The following PRPS2 variants were observed in gnomAD, a reference collection of about 807,000 sequenced individuals.
The protein encoded by PRPS2 is ribose-phosphate pyrophosphokinase 2.
For missense variants in PRPS2, 104 were observed against 271.5 expected, an observed-to-expected ratio of 0.38 and a Z score of 4.34; for synonymous variants, 111 against 115.3, an observed-to-expected ratio of 0.96 and a Z score of 0.24.
chrX:12,808,432 G>T (rs1466690658), intron 2 of PRPS2, among the ~76,000 whole-genome samples: 3 of 110,976 alleles, frequency 2.7e-5, no homozygotes, highest in Admixed American at 9.6e-5. Flanking sequence ...ACGCCACCTA[G>T]GTCTAATCAT....
chrX:12,820,397 C>G lies in PRPS2; in HGVS notation c.705-247C>G, dbSNP rs149486336. Among the ~76,000 whole-genome samples, 64 of 111,010 alleles carry G rather than the reference C, an allele frequency of 5.8e-4. No homozygotes were observed. In the East Asian group the frequency reaches 0.018, roughly 31 times the overall value. ...GATGCTGTTGAATTTTCCCATAATG[C>G]GTAGGACAGCCCCCGTGACAAAGAA... On this transcript the variant is annotated intron_variant, in intron 5 of 6. Transcript: ENST00000380668.
chrX:12,798,214 T>C (rs2042553332), intron 1 of PRPS2, among the ~76,000 whole-genome samples: 1 of 112,630 alleles, frequency 8.9e-6, no homozygotes, highest in African/African-American at 3.2e-5. Flanking sequence ...AGAAAAGATG[T>C]GCATAAAAAG....
chrX:12,812,959 A>G (rs1275294680), intron 4 of PRPS2, among the ~76,000 whole-genome samples: 2 of 111,608 alleles, frequency 1.8e-5, no homozygotes, highest in Admixed American at 9.5e-5. Context: ...TTTGGCAGCT[A>G]CTCAGCCCAA....
chrX:12,810,687 T>A (rs1362585375), intron 4 of PRPS2, among the ~76,000 whole-genome samples: 1 of 109,677 alleles, frequency 9.1e-6, no homozygotes, highest in Non-Finnish European at 1.9e-5. Flanking sequence ...GAAACCCCCA[T>A]AAAGAAGGGA....
rs540857235 is a variant in PRPS2, at chrX:12,810,850, T to TA, written c.530+718dup. ...GGGTAACAGAGTGAGACCCTGACTC[T>TA]AAAAAAAAAAAAAAGAAGAAGAAGA... On this transcript the variant is annotated intron_variant, in intron 4 of 6. Coordinates refer to ENST00000380668, the MANE Select transcript of PRPS2 (RefSeq NM_002765.5). Among the ~76,000 whole-genome samples the TA allele has an allele frequency of 1.7e-3, 149 of 89,548 alleles. No homozygotes were observed. In the South Asian group the frequency reaches 0.027, roughly 16 times the overall value. The allele number at this position is 89,548 out of a possible 115,157, so 77.8% of individuals were successfully genotyped here.
intron 6 of PRPS2, among the ~76,000 whole-genome samples, chrX:12,822,110 C>T (rs2042679225): frequency 8.9e-6 from 1 of 112,300 alleles, no homozygotes; most frequent in African/African-American, 3.2e-5. Flanking sequence ...AGTTGGCACA[C>T]TATGGCTCGC....
chrX:12,802,565 C>G (rs1031819445), intron 2 of PRPS2, among the ~76,000 whole-genome samples: 5 of 111,557 alleles, frequency 4.5e-5, no homozygotes, highest in Non-Finnish European at 9.4e-5. Context: ...TCTCGAACTC[C>G]TGGCCTCAAG....
chrX:12,813,359 A>T (rs1047007661), intron 4 of PRPS2, among the ~76,000 whole-genome samples: 4 of 111,434 alleles, frequency 3.6e-5, no homozygotes, highest in African/African-American at 1.3e-4. Context: ...CGTTGTTTGC[A>T]CTCTTAAATG....
At chrX:12,809,970 GA>G (rs2042615195) in intron 3 of PRPS2, 51 bp from the exon 4 acceptor site, 7 of 869,566 alleles carry the variant, frequency 8.0e-6, no homozygotes, top group African/African-American at 3.8e-5. Context: ...AAAAACAAAA[GA>G]AAACAAAACA....
intron 1 of PRPS2, among the ~76,000 whole-genome samples, chrX:12,796,852 A>AC (rs2042546454): frequency 2.9e-5 from 1 of 34,241 alleles, no homozygotes; most frequent in Admixed American, 4.6e-4. Flanking sequence ...AGTATTTCAG[A>AC]TTTTTTTTTT....
At chrX:12,800,484 A>G (rs187334962) in intron 2 of PRPS2, among the ~76,000 whole-genome samples, 43 of 111,580 alleles carry the variant, frequency 3.9e-4, no homozygotes, top group African/African-American at 1.3e-3. Context: ...GTGGGTGGAC[A>G]TGAGTTTTGG....
At chrX:12,803,215 T>C (rs1313302602) in intron 2 of PRPS2, among the ~76,000 whole-genome samples, 4 of 112,177 alleles carry the variant, frequency 3.6e-5, no homozygotes, top group Non-Finnish European at 7.5e-5. Context: ...TGAGGCCACA[T>C]CACTCTAATC....
rs1040889575 is a variant in PRPS2 at position 12,791,524 on chromosome X, C to T, written c.27C>T (p.Gly9=). 70 of 1,204,751 alleles carry T rather than the reference C, an allele frequency of 5.8e-5. No homozygotes were observed. The highest frequency in any genetic ancestry group is 7.5e-5 in the Non-Finnish European group (67 of 892,661). ...TGCCCAACATCGTGCTGTTCAGCGG[C>T]AGCTCGCATCAGGACCTGTCCCAGC... The part of the protein sequence containing the change: MPNIVLFS[G]SSHQDLSQRV... The change falls in exon 1 of 7, where the codon GGC becomes GGT. Residue 9 remains glycine (G), a synonymous_variant. Coordinates refer to ENST00000380668, the MANE Select transcript of PRPS2 (RefSeq NM_002765.5).
intron 5 of PRPS2, among the ~76,000 whole-genome samples, chrX:12,820,000 G>T (rs925878471): frequency 9.0e-6 from 1 of 111,672 alleles, no homozygotes; most frequent in Non-Finnish European, 1.9e-5. Context: ...TTTGGCTTTC[G>T]TGCCAGCCTT....
intron 2 of PRPS2, among the ~76,000 whole-genome samples, chrX:12,803,737 G>C (rs1237099998): frequency 8.9e-6 from 1 of 112,419 alleles, no homozygotes; most frequent in Non-Finnish European, 1.9e-5. Context: ...TCCAAGGATT[G>C]GGCTCTGATA....
Position 12,809,667 on chromosome X carries a change from T to C in PRPS2, c.405+335T>C, listed in dbSNP as rs781683512. 4.1e-4 allele frequency among the ~76,000 whole-genome samples: 46 copies of C among 112,103 alleles called. 1 individual carries two copies. The South Asian group carries it at 0.016, about 40-fold the overall frequency. Reference sequence around the variant, plus strand: ...GTCTCTAAAACAGGCCAAATTATACTGTGCCACTTTGTGTTATATAATGAA... The same window carrying C: ...GTCTCTAAAACAGGCCAAATTATACCGTGCCACTTTGTGTTATATAATGAA... On this transcript the variant is annotated intron_variant, in intron 3 of 6. Coordinates refer to ENST00000380668, the MANE Select transcript of PRPS2 (RefSeq NM_002765.5).
chrX:12,796,213 C>CTTTTT (rs751352461), intron 1 of PRPS2, among the ~76,000 whole-genome samples: 2 of 38,683 alleles, frequency 5.2e-5, no homozygotes, highest in Non-Finnish European at 4.8e-5. Context: ...ATAATTGGCT[C>CTTTTT]TTTTTTTTTT....
chrX:12,802,972 G>A (rs1016739817), intron 2 of PRPS2, among the ~76,000 whole-genome samples: 2 of 112,227 alleles, frequency 1.8e-5, no homozygotes, highest in South Asian at 3.7e-4. Flanking sequence ...GTGGTTTCTC[G>A]TTAGAGAACA....
At chrX:12,801,260 G>GTA (rs1326933460) in intron 2 of PRPS2, among the ~76,000 whole-genome samples, 1 of 109,739 alleles carries the variant, frequency 9.1e-6, no homozygotes, top group Non-Finnish European at 1.9e-5. Flanking sequence ...GTGTATGTGT[G>GTA]TGTGTGTTTA....
Sources: gnomAD v4.1 joint callset for allele counts (sites outside exome capture counted in the v4.1 genomes callset) on GRCh38, gnomAD v4.1.1 for gene constraint, MANE v1.5 for transcripts, NCBI Gene and HGNC (gene_info 2026-07-23, HGNC 2026-07-21) for gene names.